PRAP1: variants seen among roughly 807,000 people sequenced by gnomAD.
PRAP1 encodes the protein proline rich acidic protein 1, also known as proline-rich acidic protein 1.
A neutral mutation model predicts 14.6 loss-of-function variants in PRAP1; 12 were observed. The observed-to-expected ratio is 0.82, with a 90% CI of 0.53 to 1.33. The LOEUF is 1.33. Ranked by LOEUF, PRAP1 falls within the 40% of genes most tolerant of loss-of-function variation. PRAP1 has a pLI of 0.00. For synonymous variants in PRAP1, 81 were observed against 80.3 expected, an observed-to-expected ratio of 1.01 and a Z score of -0.04; for missense variants, 160 against 193.7, an observed-to-expected ratio of 0.83 and a Z score of 1.03.
intron 2 of PRAP1, chr10:133,350,634 G>C: frequency 6.2e-6 from 1 of 162,244 alleles, no homozygotes; most frequent in Non-Finnish European, 1.3e-5. Context: ...TGGCTCAGCT[G>C]CACTGTCTGT....
At chr10:133,348,915 C>T (rs1403359696) in intron 1 of PRAP1, among the ~76,000 whole-genome samples, 3 of 151,964 alleles carry the variant, frequency 2.0e-5, no homozygotes, top group Non-Finnish European at 4.4e-5. Context: ...CCCACCTCAG[C>T]CTCCCAAAGT....
In PRAP1 at chr10:133,347,504, C is replaced by A; in HGVS notation, c.8+79C>A. 1.4e-6 allele frequency: 2 copies of A among 1,380,820 alleles called. No homozygotes were observed. The highest frequency in any genetic ancestry group is 2.1e-5 in the Admixed American group (1 of 48,316). 85.5% of individuals were successfully genotyped at this position (1,380,820 alleles called of 1,614,324 possible). A position where few individuals can be genotyped will look rare whatever the true frequency, so the allele number is the denominator to read the frequency against. The stretch of plus-strand genomic sequence containing the variant: ...TGGCCCTTAGCCAGAGGGGGCCCAG[C>A]TGTGCTGCGCTCCAGGGGGCCTGGT... On this transcript the variant is annotated intron_variant, in intron 1 of 4. Coordinates refer to ENST00000433452, the MANE Select transcript of PRAP1 (RefSeq NM_145202.5). This position sits in a 1 kb window ranked among gnomAD's most constrained non-coding sequence, Gnocchi z 5.0.
At chr10:133,349,102 G>GCA (rs1044623046) in intron 1 of PRAP1, among the ~76,000 whole-genome samples, 1 of 140,938 alleles carries the variant, frequency 7.1e-6, no homozygotes, top group African/African-American at 2.6e-5. Context: ...ACACACGCAC[G>GCA]CACACACAGA....
In PRAP1 at chr10:133,351,851, G is replaced by T. The variant is rs1848684713; in HGVS notation, c.129-156G>T. ...TGTGGAAGCCTGGCCGGGAGCACTG[G>T]GGGCCACTCATCACTGGCTCTTGAG... On this transcript the variant is annotated intron_variant, in intron 3 of 4. Coordinates refer to ENST00000433452, the MANE Select transcript of PRAP1 (RefSeq NM_145202.5). The surrounding 1 kb of genome is among the most constrained non-coding windows in gnomAD (Gnocchi z 4.3). Among the ~76,000 whole-genome samples the T allele has an allele frequency of 2.0e-5, 3 of 152,230 alleles. No individual in the cohort carries two copies. The highest frequency in any genetic ancestry group is 1.3e-4 in the Admixed American group (2 of 15,284).
chr10:133,350,287 C>A, intron 2 of PRAP1, 126 bp downstream of exon 2: 3 of 780,478 alleles, frequency 3.8e-6, no homozygotes, highest in Non-Finnish European at 6.3e-6. Flanking sequence ...GGGAGAGAGG[C>A]ATGGGTACGC....
In PRAP1 at chr10:133,347,405, G is replaced by A. The variant is rs377758811; in HGVS notation, c.-13G>A. The A allele has an allele frequency of 1.9e-5, 30 of 1,612,998 alleles. No individual in the cohort carries two copies. The East Asian group carries it at 2.7e-4, about 14-fold the overall frequency. ...CTCCCTGAGCACTCTCTACAGAGACGCGGACCCCAGACATGAGGAGGTAAT... is the reference window on the plus strand; with the variant it reads ...CTCCCTGAGCACTCTCTACAGAGACACGGACCCCAGACATGAGGAGGTAAT... On this transcript the variant is annotated 5_prime_UTR_variant, in exon 1 of 5. Coordinates refer to ENST00000433452, the MANE Select transcript of PRAP1 (RefSeq NM_145202.5). This position sits in a 1 kb window ranked among gnomAD's most constrained non-coding sequence, Gnocchi z 5.0.
Position 133,351,308 on chromosome 10 carries a change from G to A in PRAP1, c.76-73G>A, listed in dbSNP as rs897957794. 5.2e-5 allele frequency: 66 copies of A among 1,266,908 alleles called. No individual in the cohort carries two copies. The highest frequency in any genetic ancestry group is 1.4e-4 in the Admixed American group (7 of 49,258). The allele number at this position is 1,266,908 out of a possible 1,614,324, so 78.5% of individuals were successfully genotyped here. A position where few individuals can be genotyped will look rare whatever the true frequency, so the allele number is the denominator to read the frequency against. ...CCCCATGCAGCCCCAGGTGGGCCTC[G>A]GAGCAACCTCTCCCCAGGTGTCCTC... On this transcript the variant is annotated intron_variant, in intron 2 of 4. Coordinates refer to ENST00000433452, the MANE Select transcript of PRAP1 (RefSeq NM_145202.5). This position sits in a 1 kb window ranked among gnomAD's most constrained non-coding sequence, Gnocchi z 4.3.
rs1848677295 is a variant in PRAP1 at position 133,351,447 on chromosome 10, A to G, written c.128+14A>G. 1.3e-6 allele frequency: 2 copies of G among 1,587,792 alleles called. No individual in the cohort carries two copies. Among genetic ancestry groups the G allele is most frequent in the Non-Finnish European group, 1.7e-6 (2 of 1,163,068 alleles). The stretch of plus-strand genomic sequence containing the variant: ...GGACCCAGAGAAGTAAGTCCCCCCA[A>G]CCCCACCTCCCCACCACCCATTCCC... On this transcript the variant is annotated intron_variant, in intron 3 of 4. Coordinates refer to ENST00000433452, the MANE Select transcript of PRAP1 (RefSeq NM_145202.5). The surrounding 1 kb of genome is among the most constrained non-coding windows in gnomAD (Gnocchi z 4.3).
In PRAP1 at chr10:133,351,602, G is replaced by A. The variant is rs186211301; in HGVS notation, c.128+169G>A. On this transcript the variant is annotated intron_variant, in intron 3 of 4. Transcript: ENST00000433452. This position sits in a 1 kb window ranked among gnomAD's most constrained non-coding sequence, Gnocchi z 4.3. ...AGCCTCATGGGCATCTGTCAACAGCGCCCCATGCAGGGAGAAGAGAGCACA... is the reference window on the plus strand; with the variant it reads ...AGCCTCATGGGCATCTGTCAACAGCACCCCATGCAGGGAGAAGAGAGCACA... Among the ~76,000 whole-genome samples, 2 of 152,342 alleles carry A rather than the reference G, an allele frequency of 1.3e-5. No individual in the cohort carries two copies. Among genetic ancestry groups the A allele is most frequent in the South Asian group, 2.1e-4 (1 of 4,828 alleles).
Position 133,352,011 on chromosome 10 carries a change from T to C in PRAP1, c.133T>C (p.Trp45Arg), listed in dbSNP as rs148506497. 5.6e-5 allele frequency: 90 copies of C among 1,612,420 alleles called. No individual in the cohort carries two copies. Among genetic ancestry groups the C allele is most frequent in the Non-Finnish European group, 7.5e-5 (89 of 1,179,920 alleles). The change falls in exon 4 of 5, where the codon TGG (tryptophan) becomes CGG (arginine). Residue 45 changes from tryptophan to arginine, a missense_variant. Trp to Arg is a moderately radical substitution (Grantham distance 101, BLOSUM62 -3). Coordinates refer to ENST00000433452, the MANE Select transcript of PRAP1 (RefSeq NM_145202.5). ...CTGACCAAACTGTGCCAGCAGGGCC[T>C]GGGGCGCCCGTGTGGTGGAGCCTCC... ...WPSEQDPEKA[W>R]GARVVEPPEK...
rs369969767 is a variant in PRAP1, at chr10:133,347,477, C to T, written c.8+52C>T. On this transcript the variant is annotated intron_variant, in intron 1 of 4. Coordinates refer to ENST00000433452, the MANE Select transcript of PRAP1 (RefSeq NM_145202.5). This position sits in a 1 kb window ranked among gnomAD's most constrained non-coding sequence, Gnocchi z 5.0. ...TCCCCACCCCACCCAAACCTGGAGG[C>T]CTGGCCCTTAGCCAGAGGGGGCCCA... 13 of 1,576,040 alleles carry T rather than the reference C, an allele frequency of 8.2e-6. No homozygotes were observed. The Middle Eastern group carries it at 6.8e-4, about 82-fold the overall frequency.
At position 133,351,250 on chromosome 10, in the gene PRAP1, T is replaced by C; in HGVS notation, c.76-131T>C. 1.6e-6 allele frequency: 1 copy of C among 617,904 alleles called. No homozygotes were observed. The highest frequency in any genetic ancestry group is 2.9e-6 in the Non-Finnish European group (1 of 340,496). The allele number at this position is 617,904 out of a possible 1,614,324, so 38.3% of individuals were successfully genotyped here. ...TAGAGACGCTCGAGCTGTGCTGAGC[T>C]GGCCCTGCCCCCACCCCCTGCAGCC... On this transcript the variant is annotated intron_variant, in intron 2 of 4. Transcript: ENST00000433452. The surrounding 1 kb of genome is among the most constrained non-coding windows in gnomAD (Gnocchi z 4.3).
In PRAP1 at chr10:133,352,666, A is replaced by C. The variant is rs1025874085; in HGVS notation, c.*226A>C. 1.3e-5 allele frequency: 6 copies of C among 476,378 alleles called. No homozygotes were observed. Among genetic ancestry groups the C allele is most frequent in the African/African-American group, 1.2e-4 (6 of 50,786 alleles). The allele number at this position is 476,378 out of a possible 1,614,324, so 29.5% of individuals were successfully genotyped here. On this transcript the variant is annotated 3_prime_UTR_variant, in exon 5 of 5. Coordinates refer to ENST00000433452, the MANE Select transcript of PRAP1 (RefSeq NM_145202.5). ...TGGTGAAACCCCGTCTCTACTAAAA[A>C]TACAAAAATTAGCCGGGTATGGTGC...
rs567777046 is a variant in PRAP1 at position 133,351,440 on chromosome 10, C to A, written c.128+7C>A. 2.1e-5 allele frequency: 34 copies of A among 1,597,842 alleles called. No homozygotes were observed. In the East Asian group the frequency reaches 6.5e-4, roughly 31 times the overall value. On this transcript the variant is annotated splice_region_variant and intron_variant, in intron 3 of 4. Transcript: ENST00000433452. The surrounding 1 kb of genome is among the most constrained non-coding windows in gnomAD (Gnocchi z 4.3). ...CAGAGCAGGACCCAGAGAAGTAAGT[C>A]CCCCCAACCCCACCTCCCCACCACC...
At position 133,352,532 on chromosome 10, in the gene PRAP1, A is replaced by C; in HGVS notation, c.*92A>C. On this transcript the variant is annotated 3_prime_UTR_variant, in exon 5 of 5. Coordinates refer to ENST00000433452, the MANE Select transcript of PRAP1 (RefSeq NM_145202.5). ...CTACCCTGCCCCAGCTAGACAAATAAACCCCAGCAGGCCGGGCGCGGTGGC... is the reference window on the plus strand; with the variant it reads ...CTACCCTGCCCCAGCTAGACAAATACACCCCAGCAGGCCGGGCGCGGTGGC... 1.7e-6 allele frequency: 2 copies of C among 1,184,638 alleles called. No individual in the cohort carries two copies. The highest frequency in any genetic ancestry group is 1.5e-5 in the African/African-American group (1 of 65,336). 73.4% of individuals were successfully genotyped at this position (1,184,638 alleles called of 1,614,324 possible).
Position 133,351,772 on chromosome 10 carries a change from C to T in PRAP1, c.129-235C>T, listed in dbSNP as rs1208315284. On this transcript the variant is annotated intron_variant, in intron 3 of 4. Coordinates refer to ENST00000433452, the MANE Select transcript of PRAP1 (RefSeq NM_145202.5). The surrounding 1 kb of genome is among the most constrained non-coding windows in gnomAD (Gnocchi z 4.3). ...TCCCCACATCCTTGCCCTTGGGACA[C>T]TGCTCAACCAAGGCTCTGACCACTG... Among the ~76,000 whole-genome samples, 1 of 152,212 alleles carries T rather than the reference C, an allele frequency of 6.6e-6. No homozygotes were observed. Among genetic ancestry groups the T allele is most frequent in the Non-Finnish European group, 1.5e-5 (1 of 68,038 alleles).
Position 133,352,586 on chromosome 10 carries a change from G to A in PRAP1, c.*146G>A. 1.5e-6 allele frequency: 1 copy of A among 651,290 alleles called. No individual in the cohort carries two copies. Among genetic ancestry groups the A allele is most frequent in the Non-Finnish European group, 2.7e-6 (1 of 376,352 alleles). The allele number at this position is 651,290 out of a possible 1,614,324, so 40.3% of individuals were successfully genotyped here. Reference sequence around the variant, plus strand: ...CCTCTGTAATCCCAGCACTTTTAGAGGCCGAGGCAGGCGGATCACCTGAAA... The same window carrying A: ...CCTCTGTAATCCCAGCACTTTTAGAAGCCGAGGCAGGCGGATCACCTGAAA... On this transcript the variant is annotated 3_prime_UTR_variant, in exon 5 of 5. Coordinates refer to ENST00000433452, the MANE Select transcript of PRAP1 (RefSeq NM_145202.5).
Position 133,352,431 on chromosome 10 carries a change from C to T in PRAP1, c.447C>T (p.His149=). The change falls in exon 5 of 5, where the codon CAC becomes CAT. Residue 149 remains histidine, a synonymous_variant. Transcript: ENST00000433452. ...AGGAAGACCAAGACCACATCTACCA[C>T]CCCCAGTAGGGCTCCAGGGGCCATC... ...GPEEDQDHIY[H]PQ The T allele has an allele frequency of 3.7e-6, 6 of 1,612,290 alleles. No homozygotes were observed. Among genetic ancestry groups the T allele is most frequent in the Non-Finnish European group, 5.1e-6 (6 of 1,179,610 alleles).
intron 1 of PRAP1, among the ~76,000 whole-genome samples, chr10:133,348,049 G>A (rs1307287236): frequency 1.3e-5 from 2 of 152,152 alleles, no homozygotes; most frequent in Non-Finnish European, 2.9e-5. Flanking sequence ...GGACCCTTTG[G>A]TGCCCAGAGC....
Sources: allele counts gnomAD v4.1 joint callset (sites outside exome capture counted in the v4.1 genomes callset), GRCh38; gene constraint gnomAD v4.1.1; non-coding constraint Gnocchi (gnomAD v3.1); transcripts MANE v1.5; gene names NCBI Gene and HGNC (gene_info 2026-07-23, HGNC 2026-07-21).